The following RANBP2 variants were observed in gnomAD, a reference collection of about 807,000 sequenced individuals.
RANBP2 encodes E3 SUMO-protein ligase RanBP2.
A neutral mutation model predicts 303.6 loss-of-function variants in RANBP2; 57 were observed. The observed-to-expected ratio is 0.19, with a 90% CI of 0.15 to 0.23. The LOEUF is 0.23. Ranked by LOEUF, RANBP2 falls within the 10% of genes least tolerant of loss-of-function variation. The pLI, the probability that RANBP2 is intolerant of heterozygous loss-of-function variation, is 1.00. For synonymous variants in RANBP2, 1,167 were observed against 1,301.5 expected, an observed-to-expected ratio of 0.90 and a Z score of 2.23; for missense variants, 3,138 against 3,780.8, an observed-to-expected ratio of 0.83 and a Z score of 4.46.
At chr2:109,039,649 T>C in the RANBP2 span, among the ~76,000 whole-genome samples, 1,038 of 152,318 alleles carry the variant, frequency 6.8e-3, 6 homozygotes, top group East Asian at 0.035. Context: ...GTGCCCGGCC[T>C]TCAGATGTTT....
At chr2:109,401,758 C>G in the RANBP2 span, among the ~76,000 whole-genome samples, 1 of 152,182 alleles carries the variant, frequency 6.6e-6, no homozygotes, top group African/African-American at 2.4e-5. Context: ...CCTGCACCAG[C>G]CTCTCATGTT....
chr2:108,900,241 C>T, the RANBP2 span, among the ~76,000 whole-genome samples: 12 of 152,256 alleles, frequency 7.9e-5, no homozygotes, highest in African/African-American at 2.6e-4. Context: ...ACAATGACTA[C>T]ATTTAATGTA....
chr2:108,959,448 GTCC>G, the RANBP2 span, among the ~76,000 whole-genome samples: 1 of 152,252 alleles, frequency 6.6e-6, no homozygotes, highest in Admixed American at 6.5e-5. Context: ...CCCAGTTCAG[GTCC>G]TCCTGGGTCT....
At chr2:109,678,495 T>C in the RANBP2 span, among the ~76,000 whole-genome samples, 1 of 152,238 alleles carries the variant, frequency 6.6e-6, no homozygotes, top group South Asian at 2.1e-4. Context: ...AAGACAGAGT[T>C]GCTCTCTCAA....
chr2:108,838,125 C>T, the RANBP2 span, among the ~76,000 whole-genome samples: 6 of 151,980 alleles, frequency 3.9e-5, no homozygotes, highest in Non-Finnish European at 7.4e-5. Flanking sequence ...GGTAAGATTA[C>T]GGCAGAGAAT....
the RANBP2 span, chr2:108,798,733 ACACACAC>A: frequency 5.6e-6 from 3 of 533,672 alleles, no homozygotes; most frequent in South Asian, 3.1e-5. Context: ...ACACACACAC[ACACACAC>A]TTTTTCTGAT....
chr2:109,713,552 T>A, the RANBP2 span, among the ~76,000 whole-genome samples: 1 of 152,118 alleles, frequency 6.6e-6, no homozygotes, highest in African/African-American at 2.4e-5. Context: ...CTTCACTGGG[T>A]TGGAAATCAA....
At chr2:108,809,784 C>T in the RANBP2 span, among the ~76,000 whole-genome samples, 2 of 140,708 alleles carry the variant, frequency 1.4e-5, no homozygotes, top group African/African-American at 5.1e-5. Flanking sequence ...GACAATTTGA[C>T]TCATTTCCAA....
chr2:108,773,698 G>A (rs1249964452), intron 23 of RANBP2, among the ~76,000 whole-genome samples: 1 of 151,288 alleles, frequency 6.6e-6, no homozygotes, highest in Non-Finnish European at 1.5e-5. Flanking sequence ...CCAGGCTGGA[G>A]TGCAGTGGGG....
At chr2:109,113,135 G>A in the RANBP2 span, among the ~76,000 whole-genome samples, 68 of 152,144 alleles carry the variant, frequency 4.5e-4, no homozygotes, top group Admixed American at 5.2e-4. Flanking sequence ...TTGGTTCCAT[G>A]TGAACTTTAA....
At chr2:109,620,497 T>C in the RANBP2 span, among the ~76,000 whole-genome samples, 2 of 151,310 alleles carry the variant, frequency 1.3e-5, no homozygotes, top group Non-Finnish European at 2.9e-5. Flanking sequence ...AGGTCAGGAG[T>C]TCAAGACCAG....
chr2:108,920,984 T>C, the RANBP2 span, among the ~76,000 whole-genome samples: 1 of 152,148 alleles, frequency 6.6e-6, no homozygotes, highest in Non-Finnish European at 1.5e-5. Flanking sequence ...CCTACCGTAG[T>C]GGTTCCCAAA....
the RANBP2 span, among the ~76,000 whole-genome samples, chr2:109,583,380 T>C: frequency 6.6e-6 from 1 of 151,990 alleles, no homozygotes; most frequent in Admixed American, 6.6e-5. Flanking sequence ...CCAACAAACA[T>C]GACAAAACGC....
chr2:108,807,777 C>T, the RANBP2 span, among the ~76,000 whole-genome samples: 1 of 152,186 alleles, frequency 6.6e-6, no homozygotes, highest in East Asian at 1.9e-4. Context: ...ACCACCACAC[C>T]TGGCTAATTT....
At chr2:109,369,366 A>G in the RANBP2 span, among the ~76,000 whole-genome samples, 968 of 152,166 alleles carry the variant, frequency 6.4e-3, 10 homozygotes, top group East Asian at 0.048. Context: ...AAAAGAAAAG[A>G]AAGAAAAGCC....
the RANBP2 span, among the ~76,000 whole-genome samples, chr2:109,568,201 TACAACAGCAGAGATG>T: frequency 6.6e-6 from 1 of 152,050 alleles, no homozygotes; most frequent in Non-Finnish European, 1.5e-5. Context: ...GCGTTCACAC[TACAACAGCAGAGATG>T]AGTTGCTGCT....
the RANBP2 span, chr2:109,605,765 A>AC: frequency 1.3e-5 from 2 of 152,236 alleles, no homozygotes; most frequent in Admixed American, 1.3e-4. Context: ...ACTGTAAATT[A>AC]TAATTCTTTT....
chr2:109,482,564 C>T, the RANBP2 span, among the ~76,000 whole-genome samples: 2 of 152,214 alleles, frequency 1.3e-5, no homozygotes, highest in East Asian at 3.9e-4. Flanking sequence ...AACCCACTCC[C>T]GCGCCCAGCC....
At chr2:108,832,234 C>T in the RANBP2 span, among the ~76,000 whole-genome samples, 25 of 151,736 alleles carry the variant, frequency 1.6e-4, no homozygotes, top group East Asian at 2.5e-3. Flanking sequence ...ACCATGTTGG[C>T]CTGGCTGGTC....
Sources: allele counts gnomAD v4.1 joint callset (sites outside exome capture counted in the v4.1 genomes callset), GRCh38; gene constraint gnomAD v4.1.1; transcripts MANE v1.5; gene names NCBI Gene and HGNC (gene_info 2026-07-23, HGNC 2026-07-21).